The following ZNF280B variants were observed in gnomAD, a reference collection of about 807,000 sequenced individuals.
ZNF280B encodes zinc finger protein 280B.
Under a neutral mutation model 38.0 loss-of-function variants are expected in ZNF280B, and 16 were observed. The ratio of observed to expected loss-of-function variants is 0.42; its 90% CI spans 0.28 to 0.64. ZNF280B has a LOEUF of 0.64. Among genes scored for constraint, ZNF280B ranks in the 30% least tolerant of loss-of-function variants. ZNF280B has a pLI of 0.21. For synonymous variants in ZNF280B, 253 were observed against 230.6 expected, an observed-to-expected ratio of 1.10 and a Z score of -0.88; for missense variants, 581 against 639.6, an observed-to-expected ratio of 0.91 and a Z score of 0.99.
chr22:22,486,181 A>G lies in ZNF280B; in HGVS notation c.*1586T>C, dbSNP rs919317882. On this transcript the variant is annotated 3_prime_UTR_variant, in exon 4 of 4. Coordinates refer to ENST00000626650, the MANE Select transcript of ZNF280B (RefSeq NM_080764.4). ...ATTTAACAGAATAGCTGCAAGCTGT[A>G]ATACATTCATGTCCAAAGCAAGACA... 24 of 152,048 alleles carry G rather than the reference A, an allele frequency of 1.6e-4. No homozygotes were observed. The highest frequency in any genetic ancestry group is 5.1e-4 in the African/African-American group (21 of 41,424). The allele number at this position is 152,048 out of a possible 1,614,324, so 9.4% of individuals were successfully genotyped here. A position where few individuals can be genotyped will look rare whatever the true frequency, so the allele number is the denominator to read the frequency against.
Position 22,489,381 on chromosome 22 carries a change from C to G in ZNF280B, c.18G>C (p.Glu6Asp), listed in dbSNP as rs761397877. MEQSCEEEKEPEPQKN... is the reference protein window; with the variant it reads MEQSCDEEKEPEPQKN... ...TCTGTGGTTCAGGCTCTTTCTCTTC[C>G]TCACATGATTGTTCCATTTTCTAAT... Residue 6 changes from glutamate to aspartate, a missense_variant, in exon 4 of 4, where the codon GAG (glutamate) becomes GAC (aspartate). Glu to Asp is a conservative substitution (Grantham distance 45). Transcript: ENST00000626650. 5 of 1,596,432 alleles carry G rather than the reference C, an allele frequency of 3.1e-6. No homozygotes were observed. In the Admixed American group the frequency reaches 9.0e-5, roughly 29 times the overall value.
intron 2 of ZNF280B, among the ~76,000 whole-genome samples, chr22:22,499,264 A>G (rs1438926415): frequency 1.3e-5 from 2 of 151,462 alleles, no homozygotes; most frequent in African/African-American, 4.9e-5. Flanking sequence ...TATTATTTTT[A>G]ATTTTAATTT....
rs1207574915 is a variant in ZNF280B at position 22,489,089 on chromosome 22, C to A, written c.310G>T (p.Ala104Ser). Residue 104 changes from alanine to serine, a missense_variant, in exon 4 of 4, where the codon GCT (alanine) becomes TCT (serine). Coordinates refer to ENST00000626650, the MANE Select transcript of ZNF280B (RefSeq NM_080764.4). ...GTTGATCTCGATTCAAGTTGGGAAG[C>A]TGGCAGGACGGTCACTGCTTCTGAT... ...VTSEAVTVLP[A>S]SQLESRSTDS... The A allele has an allele frequency of 1.9e-6, 3 of 1,613,840 alleles. No individual in the cohort carries two copies. In the Admixed American group the frequency reaches 5.0e-5, roughly 27 times the overall value.
chr22:22,492,554 T>C lies in ZNF280B; in HGVS notation c.-69+1509A>G, dbSNP rs113047537. On this transcript the variant is annotated intron_variant, in intron 3 of 3. Transcript: ENST00000626650. Reference sequence around the variant, plus strand: ...ACTTCCACATTTCCAGTAACTACCTTCTACATAATTCTAAATGTATTTTCT... The same window carrying C: ...ACTTCCACATTTCCAGTAACTACCTCCTACATAATTCTAAATGTATTTTCT... Among the ~76,000 whole-genome samples the C allele has an allele frequency of 2.0e-5, 3 of 152,080 alleles. 1 individual carries two copies. Among genetic ancestry groups the C allele is most frequent in the Admixed American group, 6.6e-5 (1 of 15,264 alleles).
intron 2 of ZNF280B, among the ~76,000 whole-genome samples, chr22:22,506,863 G>A (rs76328237): frequency 0.018 from 2,687 of 151,998 alleles, 97 homozygotes; most frequent in African/African-American, 0.062. Flanking sequence ...AATGGTTGCG[G>A]TGGCCATCCT....
Position 22,488,067 on chromosome 22 carries a change from T to G in ZNF280B, c.1332A>C (p.Ala444=). The change falls in exon 4 of 4, where the codon GCA becomes GCC. Residue 444 remains alanine, a synonymous_variant. Transcript: ENST00000626650. ...CCCTATAATGACACATGTATGGTGTTGCTGTTTTGAAAATTTTGAGACAAA... is the reference window on the plus strand; with the variant it reads ...CCCTATAATGACACATGTATGGTGTGGCTGTTTTGAAAATTTTGAGACAAA... ...CPFCLKIFKT[A]TPYMCHYRGH... is the part of the protein sequence containing the mutation. 1 of 1,613,972 alleles carries G rather than the reference T, an allele frequency of 6.2e-7. No homozygotes were observed. Among genetic ancestry groups the G allele is most frequent in the Non-Finnish European group, 8.5e-7 (1 of 1,179,976 alleles).
intron 2 of ZNF280B, among the ~76,000 whole-genome samples, chr22:22,499,863 G>T (rs1253150544): frequency 1.3e-5 from 2 of 151,894 alleles, no homozygotes; most frequent in African/African-American, 4.8e-5. Context: ...AGAAAAGGAA[G>T]CAAAAAGCAT....
chr22:22,502,379 T>C (rs1601731334), intron 2 of ZNF280B, among the ~76,000 whole-genome samples: 1 of 151,974 alleles, frequency 6.6e-6, no homozygotes. Context: ...TGGAAAAGTT[T>C]GGCAATTGCT....
At chr22:22,496,538 G>A (rs538962046) in intron 2 of ZNF280B, among the ~76,000 whole-genome samples, 3 of 151,864 alleles carry the variant, frequency 2.0e-5, no homozygotes, top group African/African-American at 4.8e-5. Flanking sequence ...AATGTTTGCT[G>A]TAGTTTTAAG....
rs1240844754 is a variant in ZNF280B, at chr22:22,489,167, G to A, written c.232C>T (p.Leu78Phe). The change falls in exon 4 of 4, where the codon CTT (leucine) becomes TTT (phenylalanine). Residue 78 changes from leucine to phenylalanine, a missense_variant. Transcript: ENST00000626650. ...AATTTGCGAGCAGTATCTTTTCTAA[G>A]GTGATCATACTTTTTTCTCCTTGAC... Reference protein sequence around the residue: ...SWSRRKKYDHLRKDTARKLQP... With the variant: ...SWSRRKKYDHFRKDTARKLQP... The A allele has an allele frequency of 1.9e-6, 3 of 1,613,694 alleles. No homozygotes were observed. Among genetic ancestry groups the A allele is most frequent in the Non-Finnish European group, 2.5e-6 (3 of 1,179,954 alleles).
At chr22:22,505,308 G>A (rs2061912451) in intron 2 of ZNF280B, among the ~76,000 whole-genome samples, 1 of 151,986 alleles carries the variant, frequency 6.6e-6, no homozygotes. Context: ...GCTCACATCT[G>A]TAATCCCAAC....
Position 22,489,207 on chromosome 22 carries a change from G to A in ZNF280B, c.192C>T (p.Val64=), listed in dbSNP as rs1465565820. ...TTCTCCTTGACCATGAACCCGGGGT[G>A]ACTCTGTTCAAAATGTTTGAAACGA... ...KPVVSNILNR[V]TPGSWSRRKK... is the part of the protein sequence containing the mutation. The change falls in exon 4 of 4, where the codon GTC becomes GTT. Residue 64 remains valine (V), a synonymous_variant. Coordinates refer to ENST00000626650, the MANE Select transcript of ZNF280B (RefSeq NM_080764.4). The A allele has an allele frequency of 6.2e-7, 1 of 1,613,630 alleles. No individual in the cohort carries two copies. The highest frequency in any genetic ancestry group is 8.5e-7 in the Non-Finnish European group (1 of 1,179,956).
At chr22:22,506,170 A>T (rs2061935224) in intron 2 of ZNF280B, among the ~76,000 whole-genome samples, 2 of 151,930 alleles carry the variant, frequency 1.3e-5, no homozygotes, top group South Asian at 4.2e-4. Flanking sequence ...GTAGGTACTT[A>T]AATTTTGAAG....
intron 3 of ZNF280B, among the ~76,000 whole-genome samples, chr22:22,490,142 G>A (rs1250093240): frequency 6.6e-6 from 1 of 151,872 alleles, no homozygotes; most frequent in Non-Finnish European, 1.5e-5. Flanking sequence ...CCCAACTCAT[G>A]GCCTTAATTA....
chr22:22,496,328 C>A (rs942716240), intron 2 of ZNF280B, among the ~76,000 whole-genome samples: 17 of 151,430 alleles, frequency 1.1e-4, no homozygotes, highest in African/African-American at 3.9e-4. Context: ...GAACTCCTGA[C>A]CTCAAGTGAT....
At chr22:22,500,875 G>A (rs1726699259) in intron 2 of ZNF280B, among the ~76,000 whole-genome samples, 1 of 150,642 alleles carries the variant, frequency 6.6e-6, no homozygotes, top group Non-Finnish European at 1.5e-5. Flanking sequence ...AAATTAGCTG[G>A]GCGTAGTGGT....
intron 3 of ZNF280B, 109 bp from the exon 4 acceptor site, chr22:22,489,575 A>C: frequency 1.8e-6 from 1 of 568,332 alleles, no homozygotes; most frequent in Non-Finnish European, 3.0e-6. Flanking sequence ...GGACACTGAG[A>C]CTGAAAGAGG....
intron 2 of ZNF280B, among the ~76,000 whole-genome samples, chr22:22,501,780 CAGG>C (rs1308881583): frequency 6.6e-6 from 1 of 151,594 alleles, no homozygotes; most frequent in Middle Eastern, 3.2e-3. Context: ...GAGGCTGAGG[CAGG>C]AGGACTTAGT....
chr22:22,495,724 C>T (rs1390964657), intron 2 of ZNF280B, among the ~76,000 whole-genome samples: 1 of 151,802 alleles, frequency 6.6e-6, no homozygotes, highest in African/African-American at 2.4e-5. Flanking sequence ...TCTGTGGCAA[C>T]TGTCATGTCT....
Sources: gnomAD v4.1 joint callset for allele counts (sites outside exome capture counted in the v4.1 genomes callset) on GRCh38, gnomAD v4.1.1 for gene constraint, MANE v1.5 for transcripts, NCBI Gene and HGNC (gene_info 2026-07-23, HGNC 2026-07-21) for gene names.